EDA: variants seen among roughly 807,000 people sequenced by gnomAD.
The protein encoded by EDA is ectodysplasin-A.
Under a neutral mutation model 23.6 loss-of-function variants are expected in EDA, and 2 were observed. The observed-to-expected ratio is 0.08, with a 90% confidence interval of 0.03 to 0.27. The LOEUF is 0.27. EDA is among the 10% of genes least tolerant of loss of function. The pLI is 1.00. For missense variants in EDA, 229 were observed against 324.2 expected (o/e 0.71, Z 2.26); for synonymous variants, 131 against 132.0 (o/e 0.99, Z 0.05).
chrX:69,915,612 A>T (rs2018330356), intron 1 of EDA, among the ~76,000 whole-genome samples: 1 of 107,858 alleles, frequency 9.3e-6, no homozygotes, highest in Admixed American at 1.0e-4. Context: ...AAGCATCATG[A>T]CAGGTGTACA....
intron 1 of EDA, among the ~76,000 whole-genome samples, chrX:69,722,755 C>A (rs1230276073): frequency 9.0e-6 from 1 of 111,278 alleles, no homozygotes; most frequent in Non-Finnish European, 1.9e-5. Flanking sequence ...ATTTGAATCT[C>A]ACCTCTGCCT....
At chrX:70,014,747 A>G (rs890841647) in intron 2 of EDA, among the ~76,000 whole-genome samples, 1 of 112,482 alleles carries the variant, frequency 8.9e-6, no homozygotes, top group African/African-American at 3.2e-5. Context: ...TGCAAAATAC[A>G]CTATAAAAAT....
intron 2 of EDA, 67 bp downstream of exon 2, chrX:69,957,199 A>C (rs200847370): frequency 1.0e-5 from 11 of 1,051,547 alleles, no homozygotes; most frequent in Non-Finnish European, 1.5e-5. Flanking sequence ...CCTTTTAAGA[A>C]CTACCTTCTT....
intron 1 of EDA, among the ~76,000 whole-genome samples, chrX:69,738,291 C>G (rs1397257383): frequency 1.8e-5 from 2 of 109,375 alleles, no homozygotes; most frequent in Non-Finnish European, 3.8e-5. Context: ...CTAATCTGTT[C>G]TTAATCCCAT....
At chrX:69,712,201 T>C (rs2012083043) in intron 1 of EDA, among the ~76,000 whole-genome samples, 1 of 111,890 alleles carries the variant, frequency 8.9e-6, no homozygotes, top group Admixed American at 9.6e-5. Flanking sequence ...TTTGTCTTTG[T>C]TCTCGTTGGT....
intron 1 of EDA, among the ~76,000 whole-genome samples, chrX:69,762,924 T>C (rs1050692934): frequency 1.8e-5 from 2 of 112,241 alleles, no homozygotes; most frequent in Non-Finnish European, 3.8e-5. Context: ...AGGAACTACT[T>C]TTACTGTTAG....
chrX:69,736,517 C>T (rs1177118321), intron 1 of EDA, among the ~76,000 whole-genome samples: 1 of 108,656 alleles, frequency 9.2e-6, no homozygotes, highest in African/African-American at 3.3e-5. Flanking sequence ...TTAGTAGAGA[C>T]GAAGTTTCTC....
At chrX:69,967,402 A>T (rs931089085) in intron 2 of EDA, among the ~76,000 whole-genome samples, 2 of 111,646 alleles carry the variant, frequency 1.8e-5, no homozygotes, top group Non-Finnish European at 3.8e-5. Flanking sequence ...TATACTAGTC[A>T]CTGATATAAT....
intron 1 of EDA, among the ~76,000 whole-genome samples, chrX:69,769,547 C>A (rs1475728604): frequency 9.0e-6 from 1 of 111,347 alleles, no homozygotes; most frequent in South Asian, 3.7e-4. Flanking sequence ...TTAAGTCTAT[C>A]ATCTTGTCAT....
chrX:69,678,496 C>G (rs937251973), intron 1 of EDA, among the ~76,000 whole-genome samples: 4 of 111,050 alleles, frequency 3.6e-5, no homozygotes, highest in African/African-American at 9.8e-5. Context: ...CTTTTATTTC[C>G]TTGAGCAGTG....
chrX:69,667,717 T>A (rs1207290801), intron 1 of EDA, among the ~76,000 whole-genome samples: 1 of 112,206 alleles, frequency 8.9e-6, no homozygotes, highest in Admixed American at 9.5e-5. Flanking sequence ...CATTTTGTGT[T>A]GCTATAACTG....
chrX:69,861,158 G>A (rs2017376979), intron 1 of EDA: 2 of 322,421 alleles, frequency 6.2e-6, no homozygotes, highest in Non-Finnish European at 1.1e-5. Flanking sequence ...AATTTGAGAT[G>A]TAAGACAGAA....
At chrX:70,008,837 G>C (rs1309448865) in intron 2 of EDA, among the ~76,000 whole-genome samples, 3 of 111,829 alleles carry the variant, frequency 2.7e-5, no homozygotes, top group African/African-American at 9.7e-5. Context: ...TTTTGAAACA[G>C]ACTGTAGGGA....
intron 1 of EDA, among the ~76,000 whole-genome samples, chrX:69,825,726 C>A (rs1180654975): frequency 1.8e-5 from 2 of 112,091 alleles, no homozygotes; most frequent in Non-Finnish European, 3.8e-5. Context: ...TTAGTTATTT[C>A]TTGCCTTCTG....
chrX:69,942,927 C>T (rs1249012059), intron 1 of EDA, among the ~76,000 whole-genome samples: 1 of 110,334 alleles, frequency 9.1e-6, no homozygotes, highest in African/African-American at 3.3e-5. Context: ...TTTCAAATAG[C>T]CTGTCTTCAG....
chrX:69,919,832 A>G (rs1034466199), intron 1 of EDA, among the ~76,000 whole-genome samples: 3 of 111,969 alleles, frequency 2.7e-5, no homozygotes, highest in African/African-American at 9.7e-5. Context: ...CTAAAAATAA[A>G]TCTTTGTAGG....
intron 1 of EDA, among the ~76,000 whole-genome samples, chrX:69,941,250 T>C (rs924426609): frequency 8.9e-6 from 1 of 111,868 alleles, no homozygotes; most frequent in Admixed American, 9.5e-5. Context: ...TTGCAACCCT[T>C]GGATGAAATG....
intron 2 of EDA, among the ~76,000 whole-genome samples, chrX:70,015,547 TG>T (rs1203235538): frequency 9.0e-6 from 1 of 111,351 alleles, no homozygotes; most frequent in African/African-American, 3.3e-5. Flanking sequence ...CACTCCAGCC[TG>T]GGCAACAGAG....
chrX:69,886,661 A>G (rs1268345320), intron 1 of EDA, among the ~76,000 whole-genome samples: 1 of 110,565 alleles, frequency 9.0e-6, no homozygotes, highest in Non-Finnish European at 1.9e-5. Context: ...TCATCCTGGC[A>G]CCAGTCCTAC....
Sources: gnomAD v4.1 joint callset for allele counts (sites outside exome capture counted in the v4.1 genomes callset) on GRCh38, gnomAD v4.1.1 for gene constraint, MANE v1.5 for transcripts, NCBI Gene and HGNC (gene_info 2026-07-23, HGNC 2026-07-21) for gene names.